The following PHIP variants were observed in gnomAD, a reference collection of about 807,000 sequenced individuals.
PHIP encodes PHIP subunit of CUL4-Ring ligase complex, also known as PH-interacting protein.
In PHIP, 54 loss-of-function variants were observed where a neutral mutation model predicts 236.8. The observed-to-expected ratio is 0.23, with a 90% confidence interval of 0.18 to 0.29. PHIP has a LOEUF of 0.29. Among genes scored for constraint, PHIP ranks in the 10% least tolerant of loss-of-function variants. PHIP has a pLI of 1.00. For missense variants in PHIP, 1,370 were observed against 2,190.8 expected (o/e 0.63, Z 7.48); for synonymous variants, 756 against 718.9 (o/e 1.05, Z -0.83).
intron 6 of PHIP, among the ~76,000 whole-genome samples, chr6:79,058,538 G>T (rs1263920320): frequency 2.0e-5 from 3 of 152,048 alleles, no homozygotes; most frequent in South Asian, 4.1e-4. Context: ...ATAGCATAAT[G>T]GAGTCAAACA....
At chr6:79,027,105 G>T (rs1012483188) in intron 7 of PHIP, among the ~76,000 whole-genome samples, 1 of 152,038 alleles carries the variant, frequency 6.6e-6, no homozygotes, top group East Asian at 1.9e-4. Flanking sequence ...ACATTAGAAA[G>T]AACTCAGAGG....
chr6:79,041,190 G>A (rs1031332734), intron 7 of PHIP, among the ~76,000 whole-genome samples: 1 of 152,104 alleles, frequency 6.6e-6, no homozygotes, highest in Non-Finnish European at 1.5e-5. Context: ...AACTGAACAT[G>A]CCTGTGTTTC....
chr6:78,986,548 G>A (rs926989547), intron 21 of PHIP, among the ~76,000 whole-genome samples: 7 of 152,122 alleles, frequency 4.6e-5, no homozygotes, highest in East Asian at 1.9e-4. Context: ...TGCCCAAGGC[G>A]GCACAACTAA....
At chr6:79,007,877 A>G (rs1217387459) in intron 15 of PHIP, among the ~76,000 whole-genome samples, 6 of 152,118 alleles carry the variant, frequency 3.9e-5, no homozygotes, top group Admixed American at 1.3e-4. Context: ...AAACTTTTAG[A>G]TTAGAGCTTG....
At chr6:78,983,500 G>A (rs1290147691) in intron 22 of PHIP, among the ~76,000 whole-genome samples, 1 of 152,092 alleles carries the variant, frequency 6.6e-6, no homozygotes, top group African/African-American at 2.4e-5. Context: ...AGATAACCCT[G>A]GAGAGCACAG....
At chr6:79,052,852 GA>G (rs1475529094) in intron 6 of PHIP, among the ~76,000 whole-genome samples, 2 of 152,106 alleles carry the variant, frequency 1.3e-5, no homozygotes, top group Non-Finnish European at 2.9e-5. Context: ...CAAATGGACA[GA>G]GCTGGCACAT....
chr6:79,016,201 A>C (rs1770826760), intron 13 of PHIP, among the ~76,000 whole-genome samples: 1 of 152,030 alleles, frequency 6.6e-6, no homozygotes. Flanking sequence ...CACGCAGTTT[A>C]ATTTATCTTG....
At chr6:79,014,250 C>A (rs1770731945) in intron 15 of PHIP, among the ~76,000 whole-genome samples, 1 of 151,618 alleles carries the variant, frequency 6.6e-6, no homozygotes, top group African/African-American at 2.4e-5. Context: ...CCATGTTTCA[C>A]AACTGTTTTG....
At chr6:79,007,735 T>A (rs1418422324) in intron 15 of PHIP, among the ~76,000 whole-genome samples, 1 of 150,730 alleles carries the variant, frequency 6.6e-6, no homozygotes, top group Non-Finnish European at 1.5e-5. Context: ...AAATTTTAAA[T>A]TATGTATGCA....
intron 7 of PHIP, 76 bp downstream of exon 7, chr6:79,042,767 T>TAC: frequency 9.1e-7 from 1 of 1,094,230 alleles, no homozygotes; most frequent in African/African-American, 1.7e-5. Context: ...AGCAAGGTTT[T>TAC]ACTTCAAGTT....
chr6:78,961,917 T>C (rs998559173), intron 30 of PHIP, 107 bp from the exon 31 acceptor site: 20 of 779,256 alleles, frequency 2.6e-5, no homozygotes, highest in Non-Finnish European at 3.9e-5. Context: ...ACATAATCAT[T>C]AGTCTGCCAC....
rs377678961 is a variant in PHIP at position 79,048,661 on chromosome 6, GGTTA to G, written c.440-5662_440-5659del. On this transcript the variant is annotated intron_variant, in intron 6 of 39. Transcript: ENST00000275034. ...TGACTATGAATTAACAAAATACAAA[GGTTA>G]GTGTTTTTTGTTATTATTGTTTTCT... is the stretch of plus-strand genomic sequence containing the variant. Among the ~76,000 whole-genome samples the G allele has an allele frequency of 8.6e-3, 1,308 of 152,166 alleles. 8 individuals are homozygous for G. The highest frequency in any genetic ancestry group is 0.012 in the Non-Finnish European group (845 of 67,996).
chr6:78,946,309 G>T, intron 37 of PHIP, 49 bp from the exon 38 acceptor site: 1 of 1,514,318 alleles, frequency 6.6e-7, no homozygotes. Context: ...CTATGTGAAC[G>T]AATAAAACAG....
chr6:78,961,242 T>G (rs964307680), intron 31 of PHIP, among the ~76,000 whole-genome samples: 1 of 152,088 alleles, frequency 6.6e-6, no homozygotes, highest in Admixed American at 6.5e-5. Context: ...TTATAAGTAA[T>G]GATAAGCTGA....
intron 31 of PHIP, among the ~76,000 whole-genome samples, chr6:78,961,294 A>G (rs1485741814): frequency 6.6e-6 from 1 of 151,848 alleles, no homozygotes; most frequent in East Asian, 1.9e-4. Context: ...ACGAATACAA[A>G]ATTTTTATTA....
intron 35 of PHIP, among the ~76,000 whole-genome samples, chr6:78,949,663 G>A (rs1365865546): frequency 6.6e-6 from 1 of 151,592 alleles, no homozygotes; most frequent in Admixed American, 6.6e-5. Context: ...GGTAAGCCCC[G>A]ACTTTTCTGG....
intron 6 of PHIP, 58 bp downstream of exon 6, chr6:79,060,420 A>G (rs1200095566): frequency 8.2e-7 from 1 of 1,212,960 alleles, no homozygotes; most frequent in African/African-American, 1.5e-5. Flanking sequence ...AAACCTTTTC[A>G]TTTTCAAAAG....
intron 21 of PHIP, among the ~76,000 whole-genome samples, chr6:78,985,838 T>A (rs1768834906): frequency 6.6e-6 from 1 of 151,980 alleles, no homozygotes; most frequent in African/African-American, 2.4e-5. Flanking sequence ...ATAATAATAA[T>A]AAAATAATAA....
chr6:78,935,237 T>G lies in PHIP; in HGVS notation c.*5456A>C, dbSNP rs933149516. 1.3e-5 allele frequency among the ~76,000 whole-genome samples: 2 copies of G among 152,260 alleles called. No homozygotes were observed. The highest frequency in any genetic ancestry group is 3.9e-4 in the East Asian group (2 of 5,190). On this transcript the variant is annotated 3_prime_UTR_variant, in exon 40 of 40. Transcript: ENST00000275034. ...TACCTTCCTTCCTCAACTTAGAAAT[T>G]TATTATATACAAAATCATTTTAACA...
Sources: allele counts gnomAD v4.1 joint callset (sites outside exome capture counted in the v4.1 genomes callset), GRCh38; gene constraint gnomAD v4.1.1; transcripts MANE v1.5; gene names NCBI Gene and HGNC (gene_info 2026-07-23, HGNC 2026-07-21).